Variants in ZSWIM4 observed in about 807,000 individuals in gnomAD.
ZSWIM4 encodes zinc finger SWIM-type containing 4.
In ZSWIM4, 62 loss-of-function variants were observed where a neutral mutation model predicts 102.5. The observed-to-expected ratio is 0.60, with a 90% CI of 0.49 to 0.75. ZSWIM4 has a LOEUF of 0.75. ZSWIM4 is among the 30% of genes least tolerant of loss of function. The pLI is 0.00. For missense variants in ZSWIM4, 1,280 were observed against 1,529.6 expected, an observed-to-expected ratio of 0.84 and a Z score of 2.72; for synonymous variants, 652 against 674.5, an observed-to-expected ratio of 0.97 and a Z score of 0.52.
In ZSWIM4 at chr19:13,830,988, C is replaced by T; in HGVS notation, c.3259C>T (p.Leu1087Phe). The change falls in exon 14 of 14, where the codon CTC becomes TTC. Residue 1087 changes from leucine (L) to phenylalanine (F), a missense_variant. By Grantham distance (22) the Leu-to-Phe change is conservative (BLOSUM62 0). Coordinates refer to ENST00000590508, the MANE Select transcript of ZSWIM4 (RefSeq NM_001367834.3). Reference sequence around the variant, plus strand: ...CCAGTTCTCACAGTTCTTGGAGAACCTCAAACAGACCTACAAGGGCAAGAA... The same window carrying T: ...CCAGTTCTCACAGTTCTTGGAGAACTTCAAACAGACCTACAAGGGCAAGAA... ...HLQFSQFLENLKQTYKGKKKL... is the reference protein window; with the variant it reads ...HLQFSQFLENFKQTYKGKKKL... The T allele has an allele frequency of 1.2e-6, 2 of 1,613,038 alleles. No individual in the cohort carries two copies. Among genetic ancestry groups the T allele is most frequent in the Non-Finnish European group, 8.5e-7 (1 of 1,179,706 alleles).
chr19:13,805,186 C>T (rs889418497), intron 3 of ZSWIM4, 38 bp downstream of exon 3: 1 of 1,534,692 alleles, frequency 6.5e-7, no homozygotes. Context: ...GAGAGGATGC[C>T]CAAGCGCACA....
Position 13,831,140 on chromosome 19 carries a change from A to G in ZSWIM4, c.*90A>G. The G allele has an allele frequency of 6.7e-7, 1 of 1,482,082 alleles. No individual in the cohort carries two copies. Among genetic ancestry groups the G allele is most frequent in the South Asian group, 1.4e-5 (1 of 73,614 alleles). The allele number at this position is 1,482,082 out of a possible 1,614,324, so 91.8% of individuals were successfully genotyped here. A position where few individuals can be genotyped will look rare whatever the true frequency, so the allele number is the denominator to read the frequency against. On this transcript the variant is annotated 3_prime_UTR_variant, in exon 14 of 14. Coordinates refer to ENST00000590508, the MANE Select transcript of ZSWIM4 (RefSeq NM_001367834.3). ...AATTAGGCCCACGTGGCATTTCAGT[A>G]TTATTAAGTCAGGGAAGGAGCCCGG...
Position 13,809,913 on chromosome 19 carries a change from T to G in ZSWIM4, c.1012+693T>G, listed in dbSNP as rs1975027736. Among the ~76,000 whole-genome samples, 1 of 152,148 alleles carries G rather than the reference T, an allele frequency of 6.6e-6. No homozygotes were observed. Among genetic ancestry groups the G allele is most frequent in the South Asian group, 2.1e-4 (1 of 4,828 alleles). On this transcript the variant is annotated intron_variant, in intron 5 of 13. Coordinates refer to ENST00000590508, the MANE Select transcript of ZSWIM4 (RefSeq NM_001367834.3). This position sits in a 1 kb window ranked among gnomAD's most constrained non-coding sequence, Gnocchi z 4.2. ...CTCAAGTGATCCTCTGGCCTTGGCCTCTCAAAGTGCTGGGATGACAGGCAT... is the reference window on the plus strand; with the variant it reads ...CTCAAGTGATCCTCTGGCCTTGGCCGCTCAAAGTGCTGGGATGACAGGCAT...
chr19:13,816,242 C>T (rs1056499924), intron 7 of ZSWIM4, among the ~76,000 whole-genome samples: 3 of 152,004 alleles, frequency 2.0e-5, no homozygotes, highest in South Asian at 2.1e-4. Flanking sequence ...CCCTGGGACC[C>T]GAGCAGAGCT....
chr19:13,824,994 C>A (rs1261603481), intron 11 of ZSWIM4, among the ~76,000 whole-genome samples: 1 of 151,346 alleles, frequency 6.6e-6, no homozygotes, highest in Non-Finnish European at 1.5e-5. Context: ...GCAACCAATG[C>A]CCTTGAGATG....
chr19:13,811,117 G>T (rs1312719302), intron 5 of ZSWIM4, among the ~76,000 whole-genome samples: 1 of 151,644 alleles, frequency 6.6e-6, no homozygotes, highest in Non-Finnish European at 1.5e-5. Context: ...GTTTCACCGT[G>T]TTAGCCAGGA....
In ZSWIM4 at chr19:13,809,254, G is replaced by A. The variant is rs377330296; in HGVS notation, c.1012+34G>A. On this transcript the variant is annotated intron_variant, in intron 5 of 13. Transcript: ENST00000590508. This position sits in a 1 kb window ranked among gnomAD's most constrained non-coding sequence, Gnocchi z 4.2. ...CAAACCCCGGTGCGTGGTGGACACC[G>A]GGACTTCGGCTCCCATGGGGGCTGG... The A allele has an allele frequency of 3.8e-6, 6 of 1,564,226 alleles. No homozygotes were observed. In the African/African-American group the frequency reaches 5.4e-5, roughly 14 times the overall value.
chr19:13,797,270 A>C (rs1974636593), intron 1 of ZSWIM4, among the ~76,000 whole-genome samples: 1 of 152,200 alleles, frequency 6.6e-6, no homozygotes, highest in African/African-American at 2.4e-5. Flanking sequence ...TAGCAAGTCC[A>C]GATTGGAAGG....
chr19:13,805,219 C>T, intron 3 of ZSWIM4, 71 bp downstream of exon 3: 1 of 1,340,244 alleles, frequency 7.5e-7, no homozygotes, highest in Non-Finnish European at 1.0e-6. Context: ...GCTGTGTGCC[C>T]AGTGCTGGTC....
intron 3 of ZSWIM4, among the ~76,000 whole-genome samples, chr19:13,807,442 T>A (rs1186970266): frequency 6.6e-6 from 1 of 151,504 alleles, no homozygotes; most frequent in Non-Finnish European, 1.5e-5. Flanking sequence ...GTGGGATGGG[T>A]AAATGGATGA....
At chr19:13,808,353 A>AGAT (rs1475682607) in intron 3 of ZSWIM4, among the ~76,000 whole-genome samples, 1 of 151,338 alleles carries the variant, frequency 6.6e-6, no homozygotes, top group Non-Finnish European at 1.5e-5. Context: ...AAACATGAAT[A>AGAT]GATGGTCGGG....
rs1375345461 is a variant in ZSWIM4 at position 13,809,767 on chromosome 19, A to G, written c.1012+547A>G. On this transcript the variant is annotated intron_variant, in intron 5 of 13. Transcript: ENST00000590508. This position sits in a 1 kb window ranked among gnomAD's most constrained non-coding sequence, Gnocchi z 4.2. ...AGTACTGAGATGACATGCATGAGCC[A>G]CCACACCCAGCCTACATGTTTTGTT... Among the ~76,000 whole-genome samples the G allele has an allele frequency of 6.6e-6, 1 of 152,042 alleles. No individual in the cohort carries two copies. Among genetic ancestry groups the G allele is most frequent in the Non-Finnish European group, 1.5e-5 (1 of 68,018 alleles).
In ZSWIM4 at chr19:13,809,835, A is replaced by C. The variant is rs1241570594; in HGVS notation, c.1012+615A>C. Among the ~76,000 whole-genome samples the C allele has an allele frequency of 1.3e-5, 2 of 152,080 alleles. No homozygotes were observed. The highest frequency in any genetic ancestry group is 1.9e-4 in the East Asian group (1 of 5,196). ...AGAGACAGGATCTCACTGTGCGCCC[A>C]GGCTGAAGTACAGTGGCACAGTCAC... On this transcript the variant is annotated intron_variant, in intron 5 of 13. Transcript: ENST00000590508. The surrounding 1 kb of genome is among the most constrained non-coding windows in gnomAD (Gnocchi z 4.2).
intron 1 of ZSWIM4, 55 bp from the exon 2 acceptor site, chr19:13,799,665 A>G: frequency 1.3e-6 from 2 of 1,577,332 alleles, no homozygotes; most frequent in African/African-American, 2.7e-5. Flanking sequence ...TAAGCTTCCC[A>G]AAGCGCTGGG....
At chr19:13,818,611 T>C (rs1975369729) in intron 9 of ZSWIM4, among the ~76,000 whole-genome samples, 1 of 152,234 alleles carries the variant, frequency 6.6e-6, no homozygotes, top group South Asian at 2.1e-4. Flanking sequence ...TCACCCAGGC[T>C]GGAGTGCAGT....
chr19:13,797,911 C>T (rs1180835391), intron 1 of ZSWIM4, among the ~76,000 whole-genome samples: 3 of 152,166 alleles, frequency 2.0e-5, no homozygotes, highest in African/African-American at 7.2e-5. Flanking sequence ...CCTTGGCCTC[C>T]CTCCCAAAGT....
intron 9 of ZSWIM4, 84 bp from the exon 10 acceptor site, chr19:13,819,273 A>G: frequency 6.4e-7 from 1 of 1,560,818 alleles, no homozygotes; most frequent in East Asian, 2.3e-5. Context: ...CCCACCCTCT[A>G]CTTAAAGCCT....
chr19:13,817,411 C>G, intron 8 of ZSWIM4, 58 bp downstream of exon 8: 1 of 1,574,012 alleles, frequency 6.4e-7, no homozygotes, highest in Non-Finnish European at 8.7e-7. Flanking sequence ...TTGGCCACGC[C>G]CCCTGGCCCA....
At chr19:13,802,213 T>C (rs1017630823) in intron 2 of ZSWIM4, among the ~76,000 whole-genome samples, 1 of 150,858 alleles carries the variant, frequency 6.6e-6, no homozygotes, top group African/African-American at 2.4e-5. Context: ...CCTGACCTAG[T>C]GATCCGCCCG....
Sources: gnomAD v4.1 joint callset for allele counts (sites outside exome capture counted in the v4.1 genomes callset) on GRCh38, gnomAD v4.1.1 for gene constraint, Gnocchi (gnomAD v3.1) non-coding constraint, MANE v1.5 for transcripts, NCBI Gene and HGNC (gene_info 2026-07-23, HGNC 2026-07-21) for gene names.